The following EFL1 variants were observed in gnomAD, a reference collection of about 807,000 sequenced individuals.
EFL1 encodes elongation factor-like GTPase 1.
A neutral mutation model predicts 126.7 loss-of-function variants in EFL1; 76 were observed. The observed-to-expected ratio is 0.60, with a 90% confidence interval of 0.50 to 0.73. The LOEUF (loss-of-function observed/expected upper bound fraction) is 0.73. Among genes scored for constraint, EFL1 ranks in the 30% least tolerant of loss-of-function variants. EFL1 has a pLI of 0.00. For missense variants in EFL1, 1,128 were observed against 1,343.2 expected, an observed-to-expected ratio of 0.84 and a Z score of 2.50; for synonymous variants, 410 against 448.4, an observed-to-expected ratio of 0.91 and a Z score of 1.08.
intron 15 of EFL1, among the ~76,000 whole-genome samples, chr15:82,168,662 G>T (rs2074102658): frequency 1.3e-5 from 2 of 152,224 alleles, no homozygotes; most frequent in East Asian, 3.9e-4. Flanking sequence ...ACAGGCACTT[G>T]CCACCACGCC....
intron 3 of EFL1, among the ~76,000 whole-genome samples, chr15:82,255,261 G>A (rs1009934786): frequency 2.0e-5 from 3 of 152,148 alleles, no homozygotes; most frequent in Admixed American, 6.5e-5. Flanking sequence ...ATGGGATTAA[G>A]TATCCTTTTG....
chr15:82,260,689 A>T (rs1368958234), intron 2 of EFL1, among the ~76,000 whole-genome samples: 1 of 152,206 alleles, frequency 6.6e-6, no homozygotes, highest in African/African-American at 2.4e-5. Flanking sequence ...ATTGAAGCTC[A>T]AAAAGGCAAG....
At chr15:82,253,707 AAAG>A (rs1428859927) in intron 3 of EFL1, among the ~76,000 whole-genome samples, 4 of 152,198 alleles carry the variant, frequency 2.6e-5, no homozygotes, top group Non-Finnish European at 5.9e-5. Flanking sequence ...TTTTTTAAAA[AAAG>A]AATACAGTAG....
At chr15:82,168,433 G>GA (rs1050074701) in intron 15 of EFL1, among the ~76,000 whole-genome samples, 2 of 152,128 alleles carry the variant, frequency 1.3e-5, no homozygotes, top group Non-Finnish European at 2.9e-5. Context: ...AGGCCTTAGG[G>GA]AAAAATCTTG....
At chr15:82,170,272 G>A (rs1348786795) in intron 15 of EFL1, among the ~76,000 whole-genome samples, 3 of 151,374 alleles carry the variant, frequency 2.0e-5, no homozygotes, top group African/African-American at 4.9e-5. Flanking sequence ...CCGCCACTAC[G>A]CCCGGCTAAT....
intron 16 of EFL1, among the ~76,000 whole-genome samples, chr15:82,162,249 C>T (rs2074030973): frequency 6.6e-6 from 1 of 152,146 alleles, no homozygotes; most frequent in South Asian, 2.1e-4. Context: ...AGCCACTGCA[C>T]TCCGGCCTGG....
At chr15:82,176,928 A>G (rs2074201317) in intron 15 of EFL1, among the ~76,000 whole-genome samples, 1 of 152,258 alleles carries the variant, frequency 6.6e-6, no homozygotes, top group Non-Finnish European at 1.5e-5. Flanking sequence ...ACACAGTAAC[A>G]TGAATGAGCA....
chr15:82,169,851 G>C (rs1041069168), intron 15 of EFL1, among the ~76,000 whole-genome samples: 3 of 152,166 alleles, frequency 2.0e-5, no homozygotes, highest in African/African-American at 4.8e-5. Flanking sequence ...ATTCCTCAAT[G>C]AATGAGTGCA....
At chr15:82,179,059 A>C (rs1476137192) in intron 15 of EFL1, among the ~76,000 whole-genome samples, 1 of 152,178 alleles carries the variant, frequency 6.6e-6, no homozygotes, top group African/African-American at 2.4e-5. Flanking sequence ...CAGGAGGATT[A>C]CTTGAGCCCA....
Position 82,152,442 on chromosome 15 carries a change from G to A in EFL1, c.2031-19C>T, listed in dbSNP as rs368074703. 4 of 1,568,616 alleles carry A rather than the reference G, an allele frequency of 2.6e-6. No homozygotes were observed. The highest frequency in any genetic ancestry group is 3.4e-6 in the Non-Finnish European group (4 of 1,160,068). ...TGCAAACCTACAGACAAATTCAAGA[G>A]AAATAACAGAAGGTTAAAATCAAAA... On this transcript the variant is annotated intron_variant, in intron 17 of 19. Coordinates refer to ENST00000268206, the MANE Select transcript of EFL1 (RefSeq NM_024580.6).
In EFL1 at chr15:82,151,990, G is replaced by C. The variant is rs750191260; in HGVS notation, c.2464C>G (p.Gln822Glu). The C allele has an allele frequency of 1.4e-5, 23 of 1,613,922 alleles. No individual in the cohort carries two copies. In the Admixed American group the frequency reaches 3.7e-4, roughly 26 times the overall value. The change falls in exon 18 of 20, where the codon CAA becomes GAA. Residue 822 changes from glutamine to glutamate, a missense_variant. This residue lies in a region of EFL1 where 561 missense variants were observed against 641.7 expected (regional missense o/e 0.87). Coordinates refer to ENST00000268206, the MANE Select transcript of EFL1 (RefSeq NM_024580.6). ...TGRRWRNIVD[Q>E]IWSFGPRKCG... ...TTTCTTGGGCCAAATGACCAGATTTGGTCAACAATGTTCCTCCATCTTCTC... is the reference window on the plus strand; with the variant it reads ...TTTCTTGGGCCAAATGACCAGATTTCGTCAACAATGTTCCTCCATCTTCTC...
chr15:82,206,828 G>A (rs1463502223), intron 15 of EFL1, among the ~76,000 whole-genome samples: 1 of 152,044 alleles, frequency 6.6e-6, no homozygotes, highest in Non-Finnish European at 1.5e-5. Flanking sequence ...AAATTGCTAT[G>A]CCATTTAAAC....
intron 17 of EFL1, among the ~76,000 whole-genome samples, chr15:82,157,015 T>A (rs2073975288): frequency 6.6e-6 from 1 of 152,220 alleles, no homozygotes; most frequent in African/African-American, 2.4e-5. Context: ...TCATAATCCT[T>A]AAAAATATGC....
At chr15:82,222,235 C>T (rs897868918) in intron 12 of EFL1, among the ~76,000 whole-genome samples, 10 of 152,102 alleles carry the variant, frequency 6.6e-5, no homozygotes, top group African/African-American at 1.7e-4. Flanking sequence ...AAGTAGATAT[C>T]GTATTCCTAT....
At chr15:82,248,913 C>A (rs1475404527) in intron 4 of EFL1, among the ~76,000 whole-genome samples, 2 of 151,166 alleles carry the variant, frequency 1.3e-5, no homozygotes, top group African/African-American at 4.9e-5. Flanking sequence ...AACACCATGT[C>A]AGGAACTAAT....
chr15:82,158,683 G>A (rs778730571), intron 16 of EFL1, among the ~76,000 whole-genome samples: 2 of 152,128 alleles, frequency 1.3e-5, no homozygotes, highest in Non-Finnish European at 2.9e-5. Flanking sequence ...AAAATCACAG[G>A]AACTTTCTGC....
In EFL1 at chr15:82,133,864, A is replaced by AC. The variant is rs2073689355; in HGVS notation, c.3175-3304dup. 2.0e-5 allele frequency among the ~76,000 whole-genome samples: 3 copies of AC among 152,152 alleles called. No homozygotes were observed. The South Asian group carries it at 6.2e-4, about 32-fold the overall frequency. On this transcript the variant is annotated intron_variant, in intron 19 of 19. Transcript: ENST00000268206. Reference sequence around the variant, plus strand: ...AGAGAGACTGCAATGAGCGAGAAGAACCAAGTGAGTCTGTGTGGAATCAAA... The same window carrying AC: ...AGAGAGACTGCAATGAGCGAGAAGAACCCAAGTGAGTCTGTGTGGAATCAAA...
chr15:82,234,747 G>A (rs1169819254), intron 7 of EFL1, among the ~76,000 whole-genome samples: 1 of 152,064 alleles, frequency 6.6e-6, no homozygotes, highest in Non-Finnish European at 1.5e-5. Flanking sequence ...TAAATTTCAT[G>A]AAGAGACTCT....
chr15:82,138,642 G>C lies in EFL1; in HGVS notation c.3174+16C>G, dbSNP rs2073750707. 2.5e-6 allele frequency: 4 copies of C among 1,611,484 alleles called. No homozygotes were observed. The highest frequency in any genetic ancestry group is 3.3e-4 in the Middle Eastern group (2 of 6,038). On this transcript the variant is annotated intron_variant, in intron 19 of 19. Transcript: ENST00000268206. ...TAGATGAGAAGGAAGGAATGAATGG[G>C]AACTTGGATTTTTACCTCCCAATGG...
Sources: gnomAD v4.1 joint callset for allele counts (sites outside exome capture counted in the v4.1 genomes callset) on GRCh38, gnomAD v4.1.1 for gene constraint, gnomAD v4.1.1 regional missense constraint, MANE v1.5 for transcripts, NCBI Gene and HGNC (gene_info 2026-07-23, HGNC 2026-07-21) for gene names.